The following RGL1 variants were observed in gnomAD, a reference collection of about 807,000 sequenced individuals.
RGL1 encodes ral guanine nucleotide dissociation stimulator like 1, also known as ral guanine nucleotide dissociation stimulator-like 1.
RGL1 carries 24 observed loss-of-function variants against 95.2 expected under a neutral mutation model. The ratio of observed to expected loss-of-function variants is 0.25; its 90% CI spans 0.18 to 0.35. The LOEUF (loss-of-function observed/expected upper bound fraction) is 0.35, where lower values mean the gene tolerates loss of function less well. Ranked by LOEUF, RGL1 falls within the 10% of genes least tolerant of loss-of-function variation. The pLI, the probability that RGL1 is intolerant of heterozygous loss-of-function variation, is 1.00. For missense variants in RGL1, 715 were observed against 936.3 expected (o/e 0.76, Z 3.08); for synonymous variants, 329 against 344.9 (o/e 0.95, Z 0.51).
chr1:183,866,822 C>G (rs1665868100), intron 4 of RGL1, among the ~76,000 whole-genome samples: 1 of 152,160 alleles, frequency 6.6e-6, no homozygotes, highest in Admixed American at 6.5e-5. Flanking sequence ...AGGGTGGGAG[C>G]AGGGAGCCTG....
At chr1:183,792,179 T>G (rs1366807295) in intron 2 of RGL1, among the ~76,000 whole-genome samples, 3 of 152,018 alleles carry the variant, frequency 2.0e-5, no homozygotes, top group Non-Finnish European at 2.9e-5. Context: ...GTTTTTTTTT[T>G]GTTTGTTTTG....
chr1:183,648,351 G>A lies in RGL1; in HGVS notation c.-33+11850G>A, dbSNP rs779521158. ...AATACTAAGAGTGATGCCTGGATAC[G>A]TAATCAGGAAATTATACATTTTGCT... is the stretch of plus-strand genomic sequence containing the variant. On this transcript the variant is annotated intron_variant, in intron 1 of 18. Coordinates refer to the RGL1 transcript ENST00000304685. 18 of 1,614,100 alleles carry A rather than the reference G, an allele frequency of 1.1e-5. No homozygotes were observed. The highest frequency in any genetic ancestry group is 6.7e-5 in the African/African-American group (5 of 74,912).
At chr1:183,872,971 G>A (rs1024294026) in intron 4 of RGL1, among the ~76,000 whole-genome samples, 7 of 152,122 alleles carry the variant, frequency 4.6e-5, no homozygotes, top group Admixed American at 2.6e-4. Context: ...ATGCCATATC[G>A]AAGAGTCTGG....
intron 16 of RGL1, among the ~76,000 whole-genome samples, chr1:183,917,106 G>T (rs1285585699): frequency 1.3e-5 from 2 of 152,108 alleles, no homozygotes; most frequent in Non-Finnish European, 2.9e-5. Flanking sequence ...TTTTATCATT[G>T]AATTTCCACA....
chr1:183,823,605 A>G (rs1298912159), intron 2 of RGL1, among the ~76,000 whole-genome samples: 1 of 152,172 alleles, frequency 6.6e-6, no homozygotes, highest in Admixed American at 6.5e-5. Context: ...ATTCCGTGAC[A>G]TCTGATTTGG....
At chr1:183,847,166 A>G (rs1664497892) in intron 2 of RGL1, among the ~76,000 whole-genome samples, 1 of 151,972 alleles carries the variant, frequency 6.6e-6, no homozygotes. Context: ...GAGTGAGGGT[A>G]AGCTGCATGC....
At chr1:183,781,169 G>GA (rs1487388511) in intron 2 of RGL1, among the ~76,000 whole-genome samples, 1 of 152,036 alleles carries the variant, frequency 6.6e-6, no homozygotes, top group Non-Finnish European at 1.5e-5. Flanking sequence ...AAAATAAGTA[G>GA]AAAAAAATCA....
At chr1:183,773,792 C>A (rs1186566918) in intron 2 of RGL1, among the ~76,000 whole-genome samples, 1 of 152,068 alleles carries the variant, frequency 6.6e-6, no homozygotes, top group African/African-American at 2.4e-5. Flanking sequence ...GGATACAATG[C>A]AAGAACAAAT....
At chr1:183,806,321 T>A in intron 1 of RGL1, 54 bp from the exon 2 acceptor site, 1 of 1,398,564 alleles carries the variant, frequency 7.2e-7, no homozygotes, top group South Asian at 1.2e-5. Context: ...AGATTGTGGT[T>A]AGCAGAGAGG....
chr1:183,881,755 G>A (rs1243352679), intron 5 of RGL1, among the ~76,000 whole-genome samples: 1 of 152,262 alleles, frequency 6.6e-6, no homozygotes, highest in African/African-American at 2.4e-5. Context: ...GTCCCAGAGA[G>A]AGGGAAATGC....
chr1:183,733,794 CTTCTG>C (rs1456551730), intron 1 of RGL1, among the ~76,000 whole-genome samples: 1 of 152,072 alleles, frequency 6.6e-6, no homozygotes, highest in East Asian at 1.9e-4. Flanking sequence ...ATTAAAGGGT[CTTCTG>C]TAATGGGATA....
At chr1:183,733,476 A>G (rs2102235407) in intron 1 of RGL1, among the ~76,000 whole-genome samples, 1 of 152,102 alleles carries the variant, frequency 6.6e-6, no homozygotes, top group South Asian at 2.1e-4. Flanking sequence ...TGGGTTATTG[A>G]GTCTTTGATC....
chr1:183,718,076 C>T (rs981912454), intron 1 of RGL1, among the ~76,000 whole-genome samples: 3 of 152,040 alleles, frequency 2.0e-5, no homozygotes, highest in African/African-American at 4.8e-5. Context: ...GAAACCCTAT[C>T]TCTACTAAAA....
Position 183,759,487 on chromosome 1 carries a change from C to A in RGL1, c.132+17198C>A, listed in dbSNP as rs562531448. ...TGCACATCAAAGGTATGCTCTCTGACTTTTGTTATCTTTAAGAATTAGCTA... is the reference window on the plus strand; with the variant it reads ...TGCACATCAAAGGTATGCTCTCTGAATTTTGTTATCTTTAAGAATTAGCTA... On this transcript the variant is annotated intron_variant, in intron 2 of 18. Transcript: ENST00000304685. 2.6e-4 allele frequency among the ~76,000 whole-genome samples: 40 copies of A among 152,274 alleles called. No homozygotes were observed. In the East Asian group the frequency reaches 6.7e-3, roughly 26 times the overall value.
chr1:183,654,773 A>G (rs904877588), intron 1 of RGL1, among the ~76,000 whole-genome samples: 2 of 152,240 alleles, frequency 1.3e-5, no homozygotes, highest in Non-Finnish European at 2.9e-5. Flanking sequence ...CCACTAGCAC[A>G]TTTATCAATT....
chr1:183,793,931 A>G (rs1660561415), intron 2 of RGL1, among the ~76,000 whole-genome samples: 1 of 151,934 alleles, frequency 6.6e-6, no homozygotes. Flanking sequence ...TCAGTATATC[A>G]AAGGAAATTA....
chr1:183,637,398 T>G (rs1404915977), intron 1 of RGL1, among the ~76,000 whole-genome samples: 2 of 152,154 alleles, frequency 1.3e-5, no homozygotes, highest in African/African-American at 4.8e-5. Context: ...ACATGCTTGA[T>G]GAATGAATGA....
At chr1:183,903,131 A>G (rs570933580) in intron 12 of RGL1, among the ~76,000 whole-genome samples, 1 of 152,268 alleles carries the variant, frequency 6.6e-6, no homozygotes, top group African/African-American at 2.4e-5. Context: ...AAATACAAAC[A>G]ATTTTTTAAT....
chr1:183,725,338 G>T (rs921962983), intron 1 of RGL1, among the ~76,000 whole-genome samples: 1 of 152,134 alleles, frequency 6.6e-6, no homozygotes, highest in Non-Finnish European at 1.5e-5. Flanking sequence ...TTTAATTGAC[G>T]GTTCTGCATG....
Sources: allele counts gnomAD v4.1 joint callset (sites outside exome capture counted in the v4.1 genomes callset), GRCh38; gene constraint gnomAD v4.1.1; transcripts MANE v1.5; gene names NCBI Gene and HGNC (gene_info 2026-07-23, HGNC 2026-07-21).